Variants in HHAT observed in about 807,000 individuals in gnomAD.
HHAT encodes the protein protein-cysteine N-palmitoyltransferase HHAT.
In HHAT, 47 loss-of-function variants were observed where a neutral mutation model predicts 70.8. The observed-to-expected ratio is 0.66, with a 90% CI of 0.53 to 0.85. The LOEUF is 0.85. HHAT is among the 40% of genes least tolerant of loss of function. The probability of loss-of-function intolerance (pLI) is 0.00; values close to 1 mark genes in which losing one functional copy is unlikely to be tolerated. For missense variants in HHAT, 609 were observed against 604.8 expected, an observed-to-expected ratio of 1.01 and a Z score of -0.07; for synonymous variants, 228 against 247.6, an observed-to-expected ratio of 0.92 and a Z score of 0.74.
chr1:210,668,929 A>G (rs1679498745), intron 11 of HHAT, among the ~76,000 whole-genome samples: 1 of 152,024 alleles, frequency 6.6e-6, no homozygotes, highest in African/African-American at 2.4e-5. Context: ...ACCTGCCACC[A>G]CACCCCGCTA....
intron 8 of HHAT, among the ~76,000 whole-genome samples, chr1:210,486,348 G>A (rs911222273): frequency 6.6e-6 from 1 of 152,270 alleles, no homozygotes; most frequent in South Asian, 2.1e-4. Context: ...TTAAGCGAAT[G>A]CTTACCCATA....
At position 210,488,241 on chromosome 1, in the gene HHAT, C is replaced by G. The variant is rs534344203; in HGVS notation, c.1007+23586C>G. Among the ~76,000 whole-genome samples, 10 of 152,194 alleles carry G rather than the reference C, an allele frequency of 6.6e-5. No homozygotes were observed. In the South Asian group the frequency reaches 1.7e-3, roughly 25 times the overall value. On this transcript the variant is annotated intron_variant, in intron 8 of 11. Coordinates refer to ENST00000261458, the MANE Select transcript of HHAT (RefSeq NM_018194.6). ...CCCCTGCATATCTGCATCACAGATT[C>G]CCTCATCTCCTTCAAGTCTTGACTC... is the stretch of plus-strand genomic sequence containing the variant.
intron 2 of HHAT, among the ~76,000 whole-genome samples, chr1:210,354,886 T>C (rs2087448496): frequency 6.6e-6 from 1 of 152,214 alleles, no homozygotes; most frequent in East Asian, 1.9e-4. Flanking sequence ...ATTAGGGTTT[T>C]AATTAGAATT....
chr1:210,594,116 A>G (rs1041343092), intron 10 of HHAT, among the ~76,000 whole-genome samples: 2 of 152,090 alleles, frequency 1.3e-5, no homozygotes, highest in Admixed American at 1.3e-4. Context: ...TTTTTAATCT[A>G]TTCAGCCGCT....
chr1:210,529,218 T>C (rs539498698), intron 9 of HHAT, among the ~76,000 whole-genome samples: 6 of 151,978 alleles, frequency 3.9e-5, no homozygotes, highest in Non-Finnish European at 8.8e-5. Context: ...GGCACGAGAA[T>C]TGCTTGAATC....
intron 7 of HHAT, among the ~76,000 whole-genome samples, chr1:210,442,326 T>C (rs949717743): frequency 8.7e-5 from 12 of 138,198 alleles, no homozygotes; most frequent in African/African-American, 3.2e-4. Flanking sequence ...TGCATGTGTC[T>C]TTATAGCAGC....
chr1:210,430,511 G>A (rs1404859599), intron 7 of HHAT, among the ~76,000 whole-genome samples: 2 of 151,744 alleles, frequency 1.3e-5, no homozygotes, highest in Non-Finnish European at 2.9e-5. Flanking sequence ...TTTTTTCTTA[G>A]CAACTTTGAT....
At position 210,637,688 on chromosome 1, in the gene HHAT, C is replaced by T. The variant is rs776312900; in HGVS notation, c.1390+14018C>T. On this transcript the variant is annotated intron_variant, in intron 11 of 11. Transcript: ENST00000261458. ...CATCCTGGCCAACATGTTGAAACCCCGTCTCCCCTAAAAATACAAAAATTA... is the reference window on the plus strand; with the variant it reads ...CATCCTGGCCAACATGTTGAAACCCTGTCTCCCCTAAAAATACAAAAATTA... 5.7e-4 allele frequency among the ~76,000 whole-genome samples: 86 copies of T among 152,142 alleles called. 1 individual carries two copies. Among genetic ancestry groups the T allele is most frequent in the Non-Finnish European group, 9.6e-4 (65 of 68,010 alleles).
At chr1:210,351,587 T>A (rs1558331925) in intron 2 of HHAT, among the ~76,000 whole-genome samples, 1 of 152,190 alleles carries the variant, frequency 6.6e-6, no homozygotes, top group Non-Finnish European at 1.5e-5. Context: ...CAGCTGGCAT[T>A]TCTCCTGTTT....
rs550006791 is a variant in HHAT, at chr1:210,332,018, G to A, written c.-44+2914G>A. 1.3e-3 allele frequency among the ~76,000 whole-genome samples: 197 copies of A among 152,314 alleles called. 1 individual carries two copies. The highest frequency in any genetic ancestry group is 4.5e-3 in the African/African-American group (189 of 41,574). ...TGCTCTATGTCCATCTCACAGAGCT[G>A]TGTGAACAGATGTGAGTTAAGGGCA... On this transcript the variant is annotated intron_variant, in intron 1 of 11. Coordinates refer to ENST00000261458, the MANE Select transcript of HHAT (RefSeq NM_018194.6).
intron 4 of HHAT, among the ~76,000 whole-genome samples, chr1:210,388,447 A>C (rs1292558230): frequency 6.6e-6 from 1 of 152,190 alleles, no homozygotes; most frequent in South Asian, 2.1e-4. Flanking sequence ...AACTTGGGCC[A>C]GTTTCTGACT....
chr1:210,557,530 C>T (rs2095583688), intron 9 of HHAT, among the ~76,000 whole-genome samples: 1 of 152,086 alleles, frequency 6.6e-6, no homozygotes, highest in Non-Finnish European at 1.5e-5. Flanking sequence ...TAAAACATGC[C>T]CAAGACTGGG....
intron 1 of HHAT, among the ~76,000 whole-genome samples, chr1:210,332,247 G>A (rs183640870): frequency 8.3e-4 from 126 of 152,294 alleles, no homozygotes; most frequent in Admixed American, 1.5e-3. Context: ...GGACCAATTC[G>A]GTTTTTCTGA....
At chr1:210,402,218 T>A (rs1382623281) in intron 5 of HHAT, among the ~76,000 whole-genome samples, 2 of 152,184 alleles carry the variant, frequency 1.3e-5, no homozygotes, top group East Asian at 3.9e-4. Context: ...TTCAGAGCCC[T>A]TCACTTTTGG....
At position 210,329,123 on chromosome 1, in the gene HHAT, T is replaced by C. The variant is rs557556513; in HGVS notation, c.-44+19T>C. ...CCCGGAGGTTGGTAACTGGTGACCA[T>C]AGGGGGTCCTGGGGAGGTTAGATGC... On this transcript the variant is annotated intron_variant, in intron 1 of 11. Coordinates refer to ENST00000261458, the MANE Select transcript of HHAT (RefSeq NM_018194.6). 103 of 1,355,858 alleles carry C rather than the reference T, an allele frequency of 7.6e-5. 1 individual carries two copies. The highest frequency in any genetic ancestry group is 3.7e-4 in the Admixed American group (11 of 29,466). 84.0% of individuals were successfully genotyped at this position (1,355,858 alleles called of 1,614,324 possible). A position where few individuals can be genotyped will look rare whatever the true frequency, so the allele number is the denominator to read the frequency against.
chr1:210,607,965 T>C (rs1665841741), intron 10 of HHAT, among the ~76,000 whole-genome samples: 1 of 152,126 alleles, frequency 6.6e-6, no homozygotes, highest in East Asian at 1.9e-4. Context: ...TATTCTAAAA[T>C]TTGCACTTCT....
chr1:210,460,504 T>A (rs964225069), intron 7 of HHAT, among the ~76,000 whole-genome samples: 3 of 152,204 alleles, frequency 2.0e-5, no homozygotes, highest in Non-Finnish European at 4.4e-5. Context: ...TCCTCTGCGT[T>A]TAGGTTGTTG....
chr1:210,645,300 C>T (rs527286578), intron 11 of HHAT, among the ~76,000 whole-genome samples: 29 of 152,076 alleles, frequency 1.9e-4, no homozygotes, highest in Admixed American at 3.3e-4. Flanking sequence ...TTTTTTGAGA[C>T]GGAGTCTCTC....
At chr1:210,358,976 G>A (rs2087955778) in intron 2 of HHAT, among the ~76,000 whole-genome samples, 1 of 152,218 alleles carries the variant, frequency 6.6e-6, no homozygotes, top group Non-Finnish European at 1.5e-5. Flanking sequence ...TCCTTTTGTG[G>A]AAGGGAAGAA....
Sources: gnomAD v4.1 joint callset for allele counts (sites outside exome capture counted in the v4.1 genomes callset) on GRCh38, gnomAD v4.1.1 for gene constraint, MANE v1.5 for transcripts, NCBI Gene and HGNC (gene_info 2026-07-23, HGNC 2026-07-21) for gene names.